Variants in PPHLN1 observed in about 807,000 individuals in gnomAD.
The protein encoded by PPHLN1 is periphilin-1.
Under a neutral mutation model 51.3 loss-of-function variants are expected in PPHLN1, and 29 were observed. The observed-to-expected ratio is 0.57, with a 90% confidence interval of 0.42 to 0.77. The LOEUF (loss-of-function observed/expected upper bound fraction) is 0.77. PPHLN1 is among the 30% of genes least tolerant of loss of function. The pLI is 0.00. For missense variants in PPHLN1, 436 were observed against 438.4 expected (o/e 0.99, Z 0.05); for synonymous variants, 147 against 147.8 (o/e 0.99, Z 0.04).
intron 9 of PPHLN1, among the ~76,000 whole-genome samples, chr12:42,434,199 A>G (rs1367790584): frequency 1.3e-5 from 2 of 152,156 alleles, no homozygotes; most frequent in Non-Finnish European, 2.9e-5. Context: ...ACCAAATACC[A>G]CATGTTCTCA....
chr12:42,330,736 G>A (rs1376517371), intron 1 of PPHLN1, among the ~76,000 whole-genome samples: 2 of 152,180 alleles, frequency 1.3e-5, no homozygotes, highest in African/African-American at 4.8e-5. Flanking sequence ...TTGAGATGGA[G>A]TCTCGCTCTG....
At position 42,384,962 on chromosome 12, in the gene PPHLN1, C is replaced by G; in HGVS notation, c.534C>G (p.Ser178=). Residue 178 remains serine (S), a synonymous_variant, in exon 6 of 10, where the codon TCC becomes TCG. Transcript: ENST00000358314. Reference sequence around the variant, plus strand: ...TAGAGTCCGTGCGTCCTGGTGCCTCCTACAAACGGCAGAATGAAGGAAATC... The same window carrying G: ...TAGAGTCCGTGCGTCCTGGTGCCTCGTACAAACGGCAGAATGAAGGAAATC... ...QHRKSVRPGA[S]YKRQNEGNPE... is the part of the protein sequence containing the mutation. The G allele has an allele frequency of 6.2e-7, 1 of 1,612,260 alleles. No individual in the cohort carries two copies. The highest frequency in any genetic ancestry group is 8.5e-7 in the Non-Finnish European group (1 of 1,178,304).
In PPHLN1 at chr12:42,340,983, CT is replaced by C. The variant is rs552090682; in HGVS notation, c.72+5024del. Among the ~76,000 whole-genome samples, 175 of 131,044 alleles carry C rather than the reference CT, an allele frequency of 1.3e-3. 1 individual carries two copies. The highest frequency in any genetic ancestry group is 1.5e-3 in the Admixed American group (20 of 13,178). 86.0% of individuals were successfully genotyped at this position (131,044 alleles called of 152,430 possible). On this transcript the variant is annotated intron_variant, in intron 2 of 9. Coordinates refer to ENST00000358314, the MANE Select transcript of PPHLN1 (RefSeq NM_201439.2). Reference sequence around the variant, plus strand: ...TCTCCCTTTTTTTCTTTCTTTCTTTCTTTTTTTTTTTTTTTGAGATGGAGTT... The same window carrying C: ...TCTCCCTTTTTTTCTTTCTTTCTTTCTTTTTTTTTTTTTTGAGATGGAGTT...
chr12:42,430,461 G>A (rs1288599948), intron 9 of PPHLN1, among the ~76,000 whole-genome samples: 7 of 152,064 alleles, frequency 4.6e-5, no homozygotes, highest in Non-Finnish European at 1.0e-4. Context: ...TATTTTGTAT[G>A]CTATACATAT....
downstream of PPHLN1, chr12:42,446,457 G>T: frequency 7.5e-7 from 1 of 1,341,570 alleles, no homozygotes; most frequent in Non-Finnish European, 1.0e-6. Flanking sequence ...GGGTTCCTCA[G>T]TAACAGCCAT....
intron 4 of PPHLN1, among the ~76,000 whole-genome samples, chr12:42,370,975 T>C (rs2075743292): frequency 6.6e-6 from 1 of 152,130 alleles, no homozygotes; most frequent in South Asian, 2.1e-4. Context: ...CCAGCTAATT[T>C]TTGTATTTTT....
chr12:42,390,818 GT>G (rs34282980), intron 7 of PPHLN1, among the ~76,000 whole-genome samples: 28,694 of 118,126 alleles, frequency 0.24, 2,611 homozygotes, highest in Middle Eastern at 0.33. Flanking sequence ...AGACCGTGAA[GT>G]TTTTTTTTTT....
intron 4 of PPHLN1, among the ~76,000 whole-genome samples, chr12:42,363,391 A>T (rs7955802): frequency 0.16 from 24,652 of 151,654 alleles, 2,060 homozygotes; most frequent in Admixed American, 0.2. Context: ...GCCACCTTGC[A>T]TTCACACCAT....
chr12:42,439,546 G>C (rs1000094174), intron 9 of PPHLN1, among the ~76,000 whole-genome samples: 7 of 152,146 alleles, frequency 4.6e-5, no homozygotes, highest in Admixed American at 4.6e-4. Flanking sequence ...ACAAGGTCTC[G>C]CTCTGTCACC....
intron 2 of PPHLN1, among the ~76,000 whole-genome samples, chr12:42,338,029 C>T (rs926439274): frequency 6.6e-6 from 1 of 152,068 alleles, no homozygotes; most frequent in Non-Finnish European, 1.5e-5. Flanking sequence ...AGTGATCCAC[C>T]CCCCTCAGCC....
At chr12:42,366,157 C>T (rs2075247505) in intron 4 of PPHLN1, among the ~76,000 whole-genome samples, 1 of 151,014 alleles carries the variant, frequency 6.6e-6, no homozygotes, top group Non-Finnish European at 1.5e-5. Flanking sequence ...CGAGATGATA[C>T]TTGCACAAAG....
intron 9 of PPHLN1, among the ~76,000 whole-genome samples, chr12:42,426,945 C>T (rs1301376379): frequency 6.6e-6 from 1 of 152,172 alleles, no homozygotes; most frequent in Non-Finnish European, 1.5e-5. Flanking sequence ...TAAGCTGCTT[C>T]CCGCTTAGTC....
At chr12:42,400,351 C>G (rs2078690004) in intron 9 of PPHLN1, 1 of 150,542 alleles carries the variant, frequency 6.6e-6, no homozygotes, top group Admixed American at 6.6e-5. Flanking sequence ...ACCTGTAGTC[C>G]CAGCTACTTG....
chr12:42,328,187 GA>G (rs2069100915), intron 1 of PPHLN1, among the ~76,000 whole-genome samples: 1 of 152,110 alleles, frequency 6.6e-6, no homozygotes, highest in South Asian at 2.1e-4. Flanking sequence ...TGAGAGAATG[GA>G]AAAAGATATC....
At chr12:42,390,060 A>AT (rs1565911799) in intron 7 of PPHLN1, among the ~76,000 whole-genome samples, 1 of 152,212 alleles carries the variant, frequency 6.6e-6, no homozygotes, top group East Asian at 1.9e-4. Flanking sequence ...TCTCTTAGCC[A>AT]TAACGGTTGT....
chr12:42,408,918 C>G (rs1437698306), intron 9 of PPHLN1, among the ~76,000 whole-genome samples: 1 of 151,982 alleles, frequency 6.6e-6, no homozygotes, highest in Non-Finnish European at 1.5e-5. Flanking sequence ...TCTAAGACAC[C>G]CAATGGTTTT....
chr12:42,398,764 A>AT, intron 8 of PPHLN1, 90 bp from the exon 9 acceptor site: 1 of 1,128,636 alleles, frequency 8.9e-7, no homozygotes, highest in South Asian at 2.0e-5. Flanking sequence ...AGCACTTAAT[A>AT]TAATTTGCCA....
chr12:42,374,170 A>G (rs1431563492), intron 4 of PPHLN1, among the ~76,000 whole-genome samples: 1 of 152,192 alleles, frequency 6.6e-6, no homozygotes. Flanking sequence ...TTACTTGGGA[A>G]ATCTTTGGCA....
rs1358946849 is a variant in PPHLN1, at chr12:42,439,575, C to CACGATCTCGGCTCACTGCG, written c.910-1736_910-1718dup. 3.2e-4 allele frequency among the ~76,000 whole-genome samples: 49 copies of CACGATCTCGGCTCACTGCG among 152,328 alleles called. 1 individual carries two copies. Among genetic ancestry groups the CACGATCTCGGCTCACTGCG allele is most frequent in the African/African-American group, 1.2e-3 (49 of 41,560 alleles). The stretch of plus-strand genomic sequence containing the variant: ...TGTCACCCAGACTGGAGTGCAGTGG[C>CACGATCTCGGCTCACTGCG]ACGATCTCGGCTCACTGCGACGTCT... On this transcript the variant is annotated intron_variant, in intron 9 of 9. Transcript: ENST00000358314.
Sources: gnomAD v4.1 joint callset for allele counts (sites outside exome capture counted in the v4.1 genomes callset) on GRCh38, gnomAD v4.1.1 for gene constraint, MANE v1.5 for transcripts, NCBI Gene and HGNC (gene_info 2026-07-23, HGNC 2026-07-21) for gene names.